SLC22A23: variants seen among roughly 807,000 people sequenced by gnomAD.
SLC22A23 encodes solute carrier family 22 member 23, also known as ion transporter protein.
A neutral mutation model predicts 61.0 loss-of-function variants in SLC22A23; 26 were observed. The ratio of observed to expected loss-of-function variants is 0.43; its 90% CI spans 0.31 to 0.59. The LOEUF (loss-of-function observed/expected upper bound fraction) is 0.59. SLC22A23 is among the 20% of genes least tolerant of loss of function. The pLI is 0.11. For missense variants in SLC22A23, 796 were observed against 934.7 expected (o/e 0.85, Z 1.94); for synonymous variants, 430 against 413.9 (o/e 1.04, Z -0.47).
intron 3 of SLC22A23, among the ~76,000 whole-genome samples, chr6:3,346,626 C>T (rs1764455755): frequency 1.3e-5 from 2 of 152,176 alleles, no homozygotes; most frequent in African/African-American, 4.8e-5. Flanking sequence ...TCATCACATC[C>T]AGATCCTGGG....
intron 7 of SLC22A23, among the ~76,000 whole-genome samples, chr6:3,285,957 G>A (rs1384866480): frequency 1.3e-5 from 2 of 152,094 alleles, no homozygotes; most frequent in African/African-American, 4.8e-5. Flanking sequence ...GAGGCTCATC[G>A]GTCCTGCCTG....
At chr6:3,376,488 C>A (rs1766576730) in intron 3 of SLC22A23, among the ~76,000 whole-genome samples, 2 of 152,088 alleles carry the variant, frequency 1.3e-5, no homozygotes, top group African/African-American at 2.4e-5. Context: ...CCAGAATGTG[C>A]CTTCTTGTCC....
chr6:3,298,295 C>G, intron 4 of SLC22A23, 77 bp from the exon 5 acceptor site: 1 of 1,498,584 alleles, frequency 6.7e-7, no homozygotes. Context: ...AGGTGTGGCC[C>G]GGGAGCTTCC....
intron 3 of SLC22A23, among the ~76,000 whole-genome samples, chr6:3,353,114 C>T (rs900046113): frequency 3.3e-5 from 5 of 152,208 alleles, no homozygotes; most frequent in African/African-American, 9.7e-5. Flanking sequence ...GTGAGTGCTC[C>T]GCCTAATCTA....
intron 4 of SLC22A23, among the ~76,000 whole-genome samples, chr6:3,300,168 G>A (rs959422668): frequency 1.3e-5 from 2 of 151,856 alleles, no homozygotes; most frequent in Admixed American, 6.6e-5. Flanking sequence ...GTACCACCAT[G>A]CTTGGCTAAT....
chr6:3,436,182 C>T (rs1344602843), intron 1 of SLC22A23, among the ~76,000 whole-genome samples: 1 of 151,996 alleles, frequency 6.6e-6, no homozygotes, highest in Non-Finnish European at 1.5e-5. Flanking sequence ...GACGGAGTCT[C>T]AATCTGGAGT....
At chr6:3,420,695 T>C (rs1304555857) in intron 1 of SLC22A23, among the ~76,000 whole-genome samples, 5 of 152,232 alleles carry the variant, frequency 3.3e-5, no homozygotes, top group Non-Finnish European at 7.3e-5. Context: ...TTGTAATATA[T>C]ATCCACTTAC....
intron 4 of SLC22A23, among the ~76,000 whole-genome samples, chr6:3,299,384 G>T (rs532542174): frequency 6.6e-6 from 1 of 152,290 alleles, no homozygotes; most frequent in African/African-American, 2.4e-5. Flanking sequence ...GAACCTGAAG[G>T]CTCACTGTCC....
At chr6:3,332,104 C>T (rs1013875896) in intron 3 of SLC22A23, among the ~76,000 whole-genome samples, 4 of 152,186 alleles carry the variant, frequency 2.6e-5, no homozygotes, top group African/African-American at 9.7e-5. Context: ...TTGAAACCTC[C>T]GAGGCATGTG....
rs1470917356 is a variant in SLC22A23 at position 3,324,577 on chromosome 6, TAA to T, written c.914-577_914-576del. On this transcript the variant is annotated intron_variant, in intron 3 of 9. Transcript: ENST00000406686. This position sits in a 1 kb window ranked among gnomAD's most constrained non-coding sequence, Gnocchi z 4.3. ...ACTGTGAGACAGAGGGAGACTGAGCTAAGTCTCAGCTTATCTATTAAACAAGA... is the reference window on the plus strand; with the variant it reads ...ACTGTGAGACAGAGGGAGACTGAGCTGTCTCAGCTTATCTATTAAACAAGA... Among the ~76,000 whole-genome samples, 1 of 152,214 alleles carries T rather than the reference TAA, an allele frequency of 6.6e-6. No homozygotes were observed. Among genetic ancestry groups the T allele is most frequent in the Non-Finnish European group, 1.5e-5 (1 of 68,040 alleles).
chr6:3,381,158 C>T (rs1182246066), intron 3 of SLC22A23, among the ~76,000 whole-genome samples: 1 of 152,126 alleles, frequency 6.6e-6, no homozygotes, highest in Non-Finnish European at 1.5e-5. Flanking sequence ...AGCCCGAGAA[C>T]CATCAAAAGG....
intron 3 of SLC22A23, among the ~76,000 whole-genome samples, chr6:3,338,991 T>A (rs1581713306): frequency 6.6e-6 from 1 of 152,142 alleles, no homozygotes; most frequent in African/African-American, 2.4e-5. Context: ...GACTGAAGCC[T>A]GAGCAATTTG....
chr6:3,374,178 T>C (rs1442194640), intron 3 of SLC22A23, among the ~76,000 whole-genome samples: 15 of 152,228 alleles, frequency 9.9e-5, no homozygotes, highest in Non-Finnish European at 4.4e-5. Context: ...TTTTGTTAAA[T>C]ATCATTTATG....
chr6:3,413,501 C>A (rs998822286), intron 2 of SLC22A23, among the ~76,000 whole-genome samples: 1 of 152,230 alleles, frequency 6.6e-6, no homozygotes, highest in Non-Finnish European at 1.5e-5. Flanking sequence ...ACAAACACAG[C>A]GAAGAAGTGA....
intron 3 of SLC22A23, among the ~76,000 whole-genome samples, chr6:3,334,511 A>G (rs1260262581): frequency 6.6e-6 from 1 of 151,354 alleles, no homozygotes; most frequent in Non-Finnish European, 1.5e-5. Flanking sequence ...TTTTTTTTTC[A>G]ATGAAAAAAA....
rs147841923 is a variant in SLC22A23 at position 3,408,632 on chromosome 6, C to T, written c.913+1556G>A. On this transcript the variant is annotated intron_variant, in intron 3 of 9. Coordinates refer to ENST00000406686, the MANE Select transcript of SLC22A23 (RefSeq NM_015482.2). ...CTCCCCATTCTCTGGCAGCTTCAGC[C>T]AGTCATTAGTAATTGGCATGCAAGA... Among the ~76,000 whole-genome samples, 25 of 152,324 alleles carry T rather than the reference C, an allele frequency of 1.6e-4. No homozygotes were observed. In the East Asian group the frequency reaches 4.8e-3, roughly 29 times the overall value.
rs1762794906 is a variant in SLC22A23 at position 3,318,951 on chromosome 6, A to C, written c.1082+4883T>G. ...AGGGCCACTCTCAAAGCATCTCTCG[A>C]ATCAGCCCTCTGCAGGTGACACCCA... On this transcript the variant is annotated intron_variant, in intron 4 of 9. Transcript: ENST00000406686. The surrounding 1 kb of genome is among the most constrained non-coding windows in gnomAD (Gnocchi z 4.3). Among the ~76,000 whole-genome samples the C allele has an allele frequency of 6.6e-6, 1 of 152,120 alleles. No homozygotes were observed. Among genetic ancestry groups the C allele is most frequent in the Non-Finnish European group, 1.5e-5 (1 of 68,014 alleles).
At chr6:3,385,832 T>C (rs1272415578) in intron 3 of SLC22A23, among the ~76,000 whole-genome samples, 2 of 152,140 alleles carry the variant, frequency 1.3e-5, no homozygotes, top group Non-Finnish European at 2.9e-5. Context: ...ACAAACAACA[T>C]TCCTCAGAGA....
chr6:3,285,085 C>T lies in SLC22A23; in HGVS notation c.1573G>A (p.Asp525Asn). 1.9e-6 allele frequency: 3 copies of T among 1,613,302 alleles called. No homozygotes were observed. The highest frequency in any genetic ancestry group is 2.5e-6 in the Non-Finnish European group (3 of 1,179,616). The change falls in exon 8 of 10, where the codon GAC (aspartate) becomes AAC (asparagine). Residue 525 changes from aspartate to asparagine, a missense_variant. Physicochemically the swap from Asp to Asn is conservative, Grantham distance 23. Coordinates refer to ENST00000406686, the MANE Select transcript of SLC22A23 (RefSeq NM_015482.2). Reference protein sequence around the residue: ...NLIGKYSQHPDSGMSDSVKDK... With the variant: ...NLIGKYSQHPNSGMSDSVKDK... ...CCACGCGCTTGGGACTCACCTGAGT[C>T]TGGGTGCTGGCTGTACTTTCCAATC...
Sources: gnomAD v4.1 joint callset for allele counts (sites outside exome capture counted in the v4.1 genomes callset) on GRCh38, gnomAD v4.1.1 for gene constraint, Gnocchi (gnomAD v3.1) non-coding constraint, MANE v1.5 for transcripts, NCBI Gene and HGNC (gene_info 2026-07-23, HGNC 2026-07-21) for gene names.